Variants in PALM2AKAP2 observed in about 807,000 individuals in gnomAD.
The protein encoded by PALM2AKAP2 is PALM2 and AKAP2 fusion.
A neutral mutation model predicts 71.5 loss-of-function variants in PALM2AKAP2; 37 were observed. That is an observed-to-expected ratio of 0.52 (90% CI 0.40 to 0.68). The LOEUF (loss-of-function observed/expected upper bound fraction) is 0.68, where lower values mean the gene tolerates loss of function less well. Among genes scored for constraint, PALM2AKAP2 ranks in the 30% least tolerant of loss-of-function variants. The pLI, the probability that PALM2AKAP2 is intolerant of heterozygous loss-of-function variation, is 0.00. For synonymous variants in PALM2AKAP2, 468 were observed against 478.8 expected, an observed-to-expected ratio of 0.98 and a Z score of 0.29; for missense variants, 1,224 against 1,191.8, an observed-to-expected ratio of 1.03 and a Z score of -0.40.
At chr9:110,086,195 T>C (rs761275755) in intron 1 of PALM2AKAP2, among the ~76,000 whole-genome samples, 1 of 152,070 alleles carries the variant, frequency 6.6e-6, no homozygotes, top group Non-Finnish European at 1.5e-5. Context: ...TGTTTGACAA[T>C]TTAACTCTTA....
At chr9:109,659,037 T>A (rs1827349724) in intron 1 of PALM2AKAP2, among the ~76,000 whole-genome samples, 1 of 152,212 alleles carries the variant, frequency 6.6e-6, no homozygotes, top group Non-Finnish European at 1.5e-5. Context: ...CAAGCAAACA[T>A]GAACTATGAA....
chr9:109,952,589 T>C (rs923638018), intron 6 of PALM2AKAP2, among the ~76,000 whole-genome samples: 1 of 152,226 alleles, frequency 6.6e-6, no homozygotes, highest in African/African-American at 2.4e-5. Flanking sequence ...CAAGAACATC[T>C]TGTCCTCATC....
intron 7 of PALM2AKAP2, among the ~76,000 whole-genome samples, chr9:110,026,476 A>T (rs548207063): frequency 1.3e-5 from 2 of 152,096 alleles, no homozygotes; most frequent in African/African-American, 4.8e-5. Flanking sequence ...GGTAAAACAG[A>T]TATAACATTT....
chr9:109,779,763 C>A (rs1353075911), upstream of PALM2AKAP2, among the ~76,000 whole-genome samples: 6 of 152,214 alleles, frequency 3.9e-5, no homozygotes, highest in Non-Finnish European at 1.5e-5. Context: ...CAAGGCAGCC[C>A]TTCCCAAATT....
chr9:110,118,208 T>TACACAC (rs112722146), intron 1 of PALM2AKAP2, among the ~76,000 whole-genome samples: 51 of 149,134 alleles, frequency 3.4e-4, no homozygotes, highest in South Asian at 8.5e-4. Flanking sequence ...TACAGAAATA[T>TACACAC]ACACACACAC....
chr9:109,860,795 G>A (rs1375651779), intron 1 of PALM2AKAP2, among the ~76,000 whole-genome samples: 6 of 151,754 alleles, frequency 4.0e-5, no homozygotes, highest in East Asian at 1.9e-4. Context: ...TCTGTTTCTC[G>A]CAGTTTTTCA....
intron 2 of PALM2AKAP2, among the ~76,000 whole-genome samples, chr9:110,139,595 G>A (rs1835978450): frequency 6.6e-6 from 1 of 151,938 alleles, no homozygotes; most frequent in Non-Finnish European, 1.5e-5. Context: ...TTACCCTAAA[G>A]GATAATTGTT....
chr9:109,766,741 C>A (rs1039488856), intron 1 of PALM2AKAP2, among the ~76,000 whole-genome samples: 2 of 152,200 alleles, frequency 1.3e-5, no homozygotes, highest in Non-Finnish European at 2.9e-5. Context: ...TTATCATCCT[C>A]ATCAGCAGAA....
intron 6 of PALM2AKAP2, among the ~76,000 whole-genome samples, chr9:110,000,347 A>AT (rs1458527895): frequency 6.6e-6 from 1 of 152,064 alleles, no homozygotes; most frequent in African/African-American, 2.4e-5. Flanking sequence ...TCAACTCATC[A>AT]TTTTTTATGG....
intron 1 of PALM2AKAP2, among the ~76,000 whole-genome samples, chr9:109,804,462 T>C (rs1827519974): frequency 1.3e-5 from 2 of 152,372 alleles, no homozygotes; most frequent in Admixed American, 1.3e-4. Flanking sequence ...CCCTTCCTTA[T>C]AATGCTGAAA....
intron 1 of PALM2AKAP2, among the ~76,000 whole-genome samples, chr9:109,686,021 A>G (rs1424962549): frequency 6.6e-6 from 1 of 152,134 alleles, no homozygotes; most frequent in Non-Finnish European, 1.5e-5. Context: ...TTCTTTGCTT[A>G]TTTGTAAGAA....
intron 1 of PALM2AKAP2, among the ~76,000 whole-genome samples, chr9:110,095,019 C>T (rs1834803169): frequency 6.6e-6 from 1 of 152,234 alleles, no homozygotes; most frequent in African/African-American, 2.4e-5. Context: ...CTGACCATTA[C>T]ATTTTCCCCC....
At chr9:109,913,143 C>G (rs1193465178) in intron 3 of PALM2AKAP2, among the ~76,000 whole-genome samples, 1 of 152,198 alleles carries the variant, frequency 6.6e-6, no homozygotes, top group Non-Finnish European at 1.5e-5. Context: ...AGCCCCTGTC[C>G]CCACACTCAC....
exon 2 of PALM2AKAP2, chr9:110,136,555 A>G: frequency 1.2e-6 from 2 of 1,613,424 alleles, no homozygotes; most frequent in Non-Finnish European, 1.7e-6. Flanking sequence ...CTGAAAGAAC[A>G]GCTAGCCGGC....
chr9:109,984,913 G>A (rs547767605), intron 6 of PALM2AKAP2, among the ~76,000 whole-genome samples: 16 of 152,096 alleles, frequency 1.1e-4, no homozygotes, highest in African/African-American at 3.4e-4. Flanking sequence ...GGTGGCTCAC[G>A]CCTGTAATCC....
chr9:110,028,754 G>T (rs529917307), intron 7 of PALM2AKAP2, among the ~76,000 whole-genome samples: 4 of 152,168 alleles, frequency 2.6e-5, no homozygotes, highest in African/African-American at 9.6e-5. Flanking sequence ...GAATTAAATT[G>T]CATGGGACAT....
intron 1 of PALM2AKAP2, among the ~76,000 whole-genome samples, chr9:109,664,755 G>T (rs959091866): frequency 2.0e-5 from 3 of 152,222 alleles, no homozygotes; most frequent in Non-Finnish European, 4.4e-5. Flanking sequence ...TGTTGGGGAA[G>T]TTCTCCTGGA....
chr9:109,928,491 G>A (rs1467146274), intron 5 of PALM2AKAP2, among the ~76,000 whole-genome samples: 1 of 152,078 alleles, frequency 6.6e-6, no homozygotes, highest in Admixed American at 6.5e-5. Context: ...TATTAATTGA[G>A]GCCACCTGAA....
At chr9:109,928,413 T>G (rs1273673465) in intron 5 of PALM2AKAP2, among the ~76,000 whole-genome samples, 2 of 152,218 alleles carry the variant, frequency 1.3e-5, no homozygotes, top group African/African-American at 2.4e-5. Context: ...AGTTACTGCT[T>G]TCCACCTTCT....
Sources: gnomAD v4.1 joint callset for allele counts (sites outside exome capture counted in the v4.1 genomes callset) on GRCh38, gnomAD v4.1.1 for gene constraint, MANE v1.5 for transcripts, NCBI Gene and HGNC (gene_info 2026-07-23, HGNC 2026-07-21) for gene names.